The following EMB variants were observed in gnomAD, a reference collection of about 807,000 sequenced individuals.
EMB encodes the protein embigin homolog.
Under a neutral mutation model 41.4 loss-of-function variants are expected in EMB, and 31 were observed. That is an observed-to-expected ratio of 0.75 (90% CI 0.56 to 1.01). EMB has a LOEUF of 1.01. Ranked by LOEUF, EMB falls within the 50% of genes least tolerant of loss-of-function variation. The pLI, the probability that EMB is intolerant of heterozygous loss-of-function variation, is 0.00. For missense variants in EMB, 379 were observed against 388.3 expected, an observed-to-expected ratio of 0.98 and a Z score of 0.20; for synonymous variants, 137 against 140.4, an observed-to-expected ratio of 0.98 and a Z score of 0.17.
Position 50,441,093 on chromosome 5 carries a change from A to G in EMB, c.59T>C (p.Leu20Pro). 6.6e-7 allele frequency: 1 copy of G among 1,519,816 alleles called. No homozygotes were observed. Among genetic ancestry groups the G allele is most frequent in the Admixed American group, 2.0e-5 (1 of 49,272 alleles). The allele number at this position is 1,519,816 out of a possible 1,614,324, so 94.1% of individuals were successfully genotyped here. A position where few individuals can be genotyped will look rare whatever the true frequency, so the allele number is the denominator to read the frequency against. Residue 20 changes from leucine (L) to proline (P), a missense_variant, in exon 1 of 9, where the codon CTC (leucine) becomes CCC (proline). Physicochemically the swap from Leu to Pro is moderately conservative, Grantham distance 98. Transcript: ENST00000303221. ...ARARTPRLLL[L>P]QCLLAAARPS... ...GCGCGCGGCAGCGAGAAGGCACTGG[A>G]GGAGGAGCAGCCGGGGCGTACGCGC... is the stretch of plus-strand genomic sequence containing the variant.
chr5:50,408,407 G>A (rs1297202075), intron 4 of EMB, among the ~76,000 whole-genome samples: 1 of 151,960 alleles, frequency 6.6e-6, no homozygotes, highest in African/African-American at 2.4e-5. Context: ...CACTTTTGCT[G>A]TCTCCTCTGT....
intron 7 of EMB, 28 bp from the exon 8 acceptor site, chr5:50,399,941 C>T (rs1333661619): frequency 1.3e-6 from 2 of 1,530,246 alleles, no homozygotes; most frequent in South Asian, 2.3e-5. Context: ...AAGAAAATTA[C>T]TAAATGCTTA....
chr5:50,406,069 G>T (rs529511645), intron 4 of EMB, among the ~76,000 whole-genome samples: 78 of 151,920 alleles, frequency 5.1e-4, no homozygotes, highest in African/African-American at 1.9e-3. Context: ...GTATAGAAAT[G>T]GAAGGTCTTC....
chr5:50,428,162 G>A lies in EMB; in HGVS notation c.178C>T (p.His60Tyr), dbSNP rs770159244. The A allele has an allele frequency of 3.1e-6, 5 of 1,609,156 alleles. No individual in the cohort carries two copies. In the East Asian group the frequency reaches 1.1e-4, roughly 36 times the overall value. ...CATTTACCAGTCAGTGATATGTTATGACTCTCCAAGGAAAAGTTATTTGCC... is the reference window on the plus strand; with the variant it reads ...CATTTACCAGTCAGTGATATGTTATAACTCTCCAAGGAAAAGTTATTTGCC... ...IMANNFSLES[H>Y]NISLTEHSSM... is the part of the protein sequence containing the mutation. The change falls in exon 2 of 9, where the codon CAT becomes TAT. Residue 60 changes from histidine (H) to tyrosine (Y), a missense_variant. Coordinates refer to ENST00000303221, the MANE Select transcript of EMB (RefSeq NM_198449.3).
intron 1 of EMB, among the ~76,000 whole-genome samples, chr5:50,439,834 C>A (rs1238895147): frequency 6.6e-6 from 1 of 152,104 alleles, no homozygotes; most frequent in East Asian, 1.9e-4. Context: ...AGTTTGAAAA[C>A]TTTTTGCAGA....
chr5:50,439,332 G>C (rs1190476473), intron 1 of EMB, among the ~76,000 whole-genome samples: 6 of 150,218 alleles, frequency 4.0e-5, no homozygotes, highest in Non-Finnish European at 8.9e-5. Flanking sequence ...CTTTTTTTTT[G>C]AGACAGTTTT....
intron 5 of EMB, among the ~76,000 whole-genome samples, chr5:50,404,672 T>C (rs145256965): frequency 4.6e-5 from 7 of 151,918 alleles, no homozygotes; most frequent in African/African-American, 1.7e-4. Context: ...TCAAATACCA[T>C]AGTTGACATT....
intron 7 of EMB, among the ~76,000 whole-genome samples, chr5:50,401,070 T>C (rs1229742463): frequency 1.3e-5 from 2 of 152,012 alleles, no homozygotes; most frequent in Non-Finnish European, 1.5e-5. Flanking sequence ...TAGGAAAGAT[T>C]AAAAGTTCAA....
chr5:50,415,909 C>A (rs1227216510), intron 2 of EMB, among the ~76,000 whole-genome samples: 1 of 152,138 alleles, frequency 6.6e-6, no homozygotes, highest in Non-Finnish European at 1.5e-5. Context: ...ATGAACAGTG[C>A]AATCAAAATA....
At chr5:50,413,074 A>G (rs1231140392) in intron 2 of EMB, among the ~76,000 whole-genome samples, 3 of 152,012 alleles carry the variant, frequency 2.0e-5, no homozygotes, top group Admixed American at 6.6e-5. Flanking sequence ...GCCCACGCGC[A>G]CACACACACA....
chr5:50,429,707 C>T (rs1309115686), intron 1 of EMB, among the ~76,000 whole-genome samples: 2 of 152,018 alleles, frequency 1.3e-5, no homozygotes, highest in Admixed American at 1.3e-4. Context: ...AAAAAAAGTC[C>T]TTAAATAACA....
At chr5:50,429,119 C>T (rs760748234) in intron 1 of EMB, among the ~76,000 whole-genome samples, 1 of 152,138 alleles carries the variant, frequency 6.6e-6, no homozygotes, top group Non-Finnish European at 1.5e-5. Context: ...TGGTCTCAAT[C>T]TCTTAACCTC....
At chr5:50,399,770 T>G (rs1026600146) in intron 8 of EMB, 89 bp downstream of exon 8, 11 of 1,026,520 alleles carry the variant, frequency 1.1e-5, no homozygotes, top group Non-Finnish European at 1.6e-5. Context: ...AGATCTTTTA[T>G]GGAACTAAAA....
Position 50,411,330 on chromosome 5 carries a change from C to G in EMB, c.250G>C (p.Val84Leu), listed in dbSNP as rs750343207. 2.3e-5 allele frequency: 37 copies of G among 1,612,434 alleles called. No individual in the cohort carries two copies. Among genetic ancestry groups the G allele is most frequent in the Middle Eastern group, 1.6e-4 (1 of 6,076 alleles). The change falls in exon 3 of 9, where the codon GTA (valine) becomes CTA (leucine). Residue 84 changes from valine (V) to leucine (L), a missense_variant. By Grantham distance (32) the Val-to-Leu change is conservative. Transcript: ENST00000303221. The stretch of plus-strand genomic sequence containing the variant: ...GTTGTGAACTGGCATGTGAGATTTA[C>G]ATTAGAAGGCCTTTCTAAAGTGATA... The part of the protein sequence containing the change: ...KNITLERPSN[V>L]NLTCQFTTSG...
At chr5:50,428,628 T>C in intron 1 of EMB, 1 of 986,068 alleles carries the variant, frequency 1.0e-6, no homozygotes, top group Non-Finnish European at 1.2e-6. Context: ...AGGCAGACCT[T>C]AATAAAGAGA....
At chr5:50,435,170 T>A (rs1745783876) in intron 1 of EMB, among the ~76,000 whole-genome samples, 2 of 152,324 alleles carry the variant, frequency 1.3e-5, no homozygotes, top group Admixed American at 1.3e-4. Context: ...AGCAGAAACA[T>A]TTCAAGAACA....
intron 1 of EMB, among the ~76,000 whole-genome samples, chr5:50,433,031 T>C (rs887509957): frequency 2.0e-5 from 3 of 151,672 alleles, no homozygotes; most frequent in Admixed American, 6.6e-5. Context: ...TGAGCTGAGA[T>C]CGCATCACTG....
chr5:50,399,165 T>C lies in EMB; in HGVS notation c.*108A>G. 1 of 1,508,484 alleles carries C rather than the reference T, an allele frequency of 6.6e-7. No homozygotes were observed. 93.4% of individuals were successfully genotyped at this position (1,508,484 alleles called of 1,614,324 possible). A position where few individuals can be genotyped will look rare whatever the true frequency, so the allele number is the denominator to read the frequency against. On this transcript the variant is annotated 3_prime_UTR_variant, in exon 9 of 9. Transcript: ENST00000303221. ...CTGCTGAGCATGTTGCATAAGCTTTTCATCCTTTTAAAACTAAAAACTCAG... is the reference window on the plus strand; with the variant it reads ...CTGCTGAGCATGTTGCATAAGCTTTCCATCCTTTTAAAACTAAAAACTCAG...
intron 1 of EMB, 76 bp from the exon 2 acceptor site, chr5:50,428,303 T>A: frequency 7.4e-7 from 1 of 1,344,288 alleles, no homozygotes; most frequent in Non-Finnish European, 1.0e-6. Flanking sequence ...TTGAAACAGC[T>A]AAAACACTGT....
Sources: gnomAD v4.1 joint callset for allele counts (sites outside exome capture counted in the v4.1 genomes callset) on GRCh38, gnomAD v4.1.1 for gene constraint, MANE v1.5 for transcripts, NCBI Gene and HGNC (gene_info 2026-07-23, HGNC 2026-07-21) for gene names.